Variants in SPIDR observed in about 807,000 individuals in gnomAD.
The protein encoded by SPIDR is DNA repair-scaffolding protein.
Under a neutral mutation model 104.6 loss-of-function variants are expected in SPIDR, and 93 were observed. The observed-to-expected ratio is 0.89, with a 90% CI of 0.75 to 1.06. SPIDR has a LOEUF of 1.06. SPIDR is among the 50% of genes least tolerant of loss of function. The pLI, the probability that SPIDR is intolerant of heterozygous loss-of-function variation, is 0.00. For missense variants in SPIDR, 1,154 were observed against 1,111.2 expected (o/e 1.04, Z -0.55); for synonymous variants, 431 against 416.9 (o/e 1.03, Z -0.41).
At chr8:47,714,341 CAG>C (rs111331386) in intron 16 of SPIDR, among the ~76,000 whole-genome samples, 12 of 152,248 alleles carry the variant, frequency 7.9e-5, no homozygotes, top group African/African-American at 2.6e-4. Flanking sequence ...GTTGAGGTAA[CAG>C]TGGTGCTGTT....
chr8:47,575,563 C>T (rs1167912644), intron 8 of SPIDR, among the ~76,000 whole-genome samples: 3 of 149,118 alleles, frequency 2.0e-5, no homozygotes, highest in South Asian at 2.1e-4. Context: ...AGGAGAATGG[C>T]GTGAACCCGG....
intron 10 of SPIDR, among the ~76,000 whole-genome samples, chr8:47,645,465 G>A (rs2070159777): frequency 6.6e-6 from 1 of 152,134 alleles, no homozygotes; most frequent in African/African-American, 2.4e-5. Context: ...AAGACACCAA[G>A]CTGAAGGAGT....
At chr8:47,596,286 A>G (rs886651736) in intron 9 of SPIDR, among the ~76,000 whole-genome samples, 1 of 152,166 alleles carries the variant, frequency 6.6e-6, no homozygotes, top group African/African-American at 2.4e-5. Context: ...TAACAGGGAT[A>G]TGGTCTGAGA....
At chr8:47,476,241 G>C (rs1056831731) in intron 8 of SPIDR, among the ~76,000 whole-genome samples, 10 of 152,134 alleles carry the variant, frequency 6.6e-5, no homozygotes, top group Non-Finnish European at 1.3e-4. Context: ...GAAATAACAG[G>C]GTTCAGCTAC....
intron 5 of SPIDR, among the ~76,000 whole-genome samples, chr8:47,308,565 A>G (rs1563557075): frequency 6.6e-6 from 1 of 151,746 alleles, no homozygotes; most frequent in Non-Finnish European, 1.5e-5. Flanking sequence ...CGTAGTCTTT[A>G]ACATCTGACT....
chr8:47,389,447 T>G (rs1246102324), intron 5 of SPIDR, among the ~76,000 whole-genome samples: 2 of 152,066 alleles, frequency 1.3e-5, no homozygotes, highest in Admixed American at 1.3e-4. Flanking sequence ...CCCAGCACTT[T>G]GGGAGGCCGA....
At chr8:47,624,657 G>A (rs992209461) in intron 10 of SPIDR, among the ~76,000 whole-genome samples, 1 of 152,064 alleles carries the variant, frequency 6.6e-6, no homozygotes, top group Non-Finnish European at 1.5e-5. Context: ...TACATTCCTC[G>A]ACACATACAT....
intron 19 of SPIDR, chr8:47,732,478 G>A (rs183870147): frequency 3.3e-5 from 14 of 430,646 alleles, no homozygotes; most frequent in African/African-American, 2.8e-4. Context: ...ACCTTTTTGG[G>A]TGCTCTGGTT....
chr8:47,320,446 G>A (rs2046327058), intron 5 of SPIDR, among the ~76,000 whole-genome samples: 1 of 152,062 alleles, frequency 6.6e-6, no homozygotes, highest in Non-Finnish European at 1.5e-5. Context: ...TGAAATTGAG[G>A]CGATAATAAT....
chr8:47,479,092 G>A (rs1271575976), intron 8 of SPIDR, among the ~76,000 whole-genome samples: 3 of 152,154 alleles, frequency 2.0e-5, no homozygotes, highest in Non-Finnish European at 4.4e-5. Flanking sequence ...GGGGTGCAGT[G>A]GCTCACGCCT....
At chr8:47,516,636 G>T (rs2083199626) in intron 8 of SPIDR, among the ~76,000 whole-genome samples, 1 of 152,068 alleles carries the variant, frequency 6.6e-6, no homozygotes, top group Admixed American at 6.5e-5. Context: ...ATATTCTATT[G>T]TATGTATATG....
At chr8:47,316,841 GA>G (rs1397661084) in intron 5 of SPIDR, among the ~76,000 whole-genome samples, 2 of 152,190 alleles carry the variant, frequency 1.3e-5, no homozygotes, top group East Asian at 1.9e-4. Context: ...AAAACCTACT[GA>G]AAAAAGTAAA....
At chr8:47,418,090 T>C (rs1336623388) in intron 7 of SPIDR, among the ~76,000 whole-genome samples, 1 of 152,222 alleles carries the variant, frequency 6.6e-6, no homozygotes, top group African/African-American at 2.4e-5. Flanking sequence ...TGGCTTAGGA[T>C]TGACCTGGCA....
At chr8:47,612,003 C>A (rs1006185064) in intron 10 of SPIDR, among the ~76,000 whole-genome samples, 2 of 152,138 alleles carry the variant, frequency 1.3e-5, no homozygotes, top group Non-Finnish European at 2.9e-5. Context: ...ACGTACCTGG[C>A]CTGCCACCTG....
chr8:47,706,410 A>C (rs1436404850), intron 14 of SPIDR, among the ~76,000 whole-genome samples: 1 of 152,036 alleles, frequency 6.6e-6, no homozygotes, highest in Non-Finnish European at 1.5e-5. Flanking sequence ...ACAACAACAA[A>C]AAACAAGAAA....
intron 8 of SPIDR, among the ~76,000 whole-genome samples, chr8:47,563,706 A>G (rs2154402365): frequency 6.6e-6 from 1 of 152,322 alleles, no homozygotes; most frequent in Non-Finnish European, 1.5e-5. Flanking sequence ...ACTCCTAAAG[A>G]TGGAACTGCT....
intron 11 of SPIDR, among the ~76,000 whole-genome samples, chr8:47,698,360 C>T (rs568525140): frequency 6.6e-6 from 1 of 152,240 alleles, no homozygotes; most frequent in South Asian, 2.1e-4. Context: ...GCTTCTACAC[C>T]AAGTCTATGC....
chr8:47,329,997 T>C (rs1268435438), intron 5 of SPIDR, among the ~76,000 whole-genome samples: 2 of 152,238 alleles, frequency 1.3e-5, no homozygotes, highest in African/African-American at 4.8e-5. Flanking sequence ...TATGCTGAGT[T>C]TTAATTAGAT....
At chr8:47,434,525 C>T (rs2067931306) in intron 7 of SPIDR, among the ~76,000 whole-genome samples, 1 of 152,138 alleles carries the variant, frequency 6.6e-6, no homozygotes, top group East Asian at 1.9e-4. Flanking sequence ...TCCAAATTAC[C>T]ATGGGGTCAG....
Sources: gnomAD v4.1 joint callset for allele counts (sites outside exome capture counted in the v4.1 genomes callset) on GRCh38, gnomAD v4.1.1 for gene constraint, MANE v1.5 for transcripts, NCBI Gene and HGNC (gene_info 2026-07-23, HGNC 2026-07-21) for gene names.